DNAJC15: variants seen among roughly 807,000 people sequenced by gnomAD.
DNAJC15 encodes dnaJ homolog subfamily C member 15.
Under a neutral mutation model 22.4 loss-of-function variants are expected in DNAJC15, and 27 were observed. The ratio of observed to expected loss-of-function variants is 1.20; its 90% confidence interval spans 0.89 to 1.66. DNAJC15 has a LOEUF of 1.66. DNAJC15 is among the 40% of genes most tolerant of loss of function. The pLI is 0.00. For missense variants in DNAJC15, 208 were observed against 187.1 expected (o/e 1.11, Z -0.65); for synonymous variants, 79 against 63.2 (o/e 1.25, Z -1.19).
Position 43,047,903 on chromosome 13 carries a change from G to C in DNAJC15, c.109-17783G>C, listed in dbSNP as rs1228560326. Among the ~76,000 whole-genome samples, 3 of 152,164 alleles carry C rather than the reference G, an allele frequency of 2.0e-5. No individual in the cohort carries two copies. In the East Asian group the frequency reaches 5.8e-4, roughly 29 times the overall value. ...AGGCTTGAAGGGCCAGCGGGCATCAGAAACCATAACTGTGTAATGATGCTA... is the reference window on the plus strand; with the variant it reads ...AGGCTTGAAGGGCCAGCGGGCATCACAAACCATAACTGTGTAATGATGCTA... On this transcript the variant is annotated intron_variant, in intron 1 of 5. Transcript: ENST00000379221.
chr13:43,098,866 T>C (rs940652366), intron 5 of DNAJC15, among the ~76,000 whole-genome samples: 1 of 152,232 alleles, frequency 6.6e-6, no homozygotes, highest in African/African-American at 2.4e-5. Context: ...TTGTTTTGGC[T>C]ATTATGGTCC....
At chr13:43,034,472 C>T (rs554518591) in intron 1 of DNAJC15, among the ~76,000 whole-genome samples, 11 of 151,794 alleles carry the variant, frequency 7.2e-5, no homozygotes, top group East Asian at 5.8e-4. Flanking sequence ...CCCACCACCG[C>T]GCCCGGCTAA....
chr13:43,108,986 C>T lies in DNAJC15; in HGVS notation c.*1738C>T, dbSNP rs925582032. The T allele has an allele frequency of 1.3e-5, 2 of 152,068 alleles. No homozygotes were observed. Among genetic ancestry groups the T allele is most frequent in the African/African-American group, 2.4e-5 (1 of 41,390 alleles). 9.4% of individuals were successfully genotyped at this position (152,068 alleles called of 1,614,324 possible). The stretch of plus-strand genomic sequence containing the variant: ...TATCCTTGTACCTAAGAATGCCATC[C>T]CAATCCCCAGATGTCCACCTGCCCA... On this transcript the variant is annotated 3_prime_UTR_variant, in exon 6 of 6. Coordinates refer to ENST00000379221, the MANE Select transcript of DNAJC15 (RefSeq NM_013238.3).
At chr13:43,104,091 G>T (rs944278952) in intron 5 of DNAJC15, among the ~76,000 whole-genome samples, 1 of 151,748 alleles carries the variant, frequency 6.6e-6, no homozygotes, top group Non-Finnish European at 1.5e-5. Flanking sequence ...CCATTTAAAC[G>T]CACAATTTGA....
intron 3 of DNAJC15, among the ~76,000 whole-genome samples, chr13:43,077,287 G>GAA: frequency 6.6e-6 from 1 of 152,284 alleles, no homozygotes; most frequent in Non-Finnish European, 1.5e-5. Context: ...TGCACAGCTT[G>GAA]GGTTCTCTGG....
chr13:43,049,051 C>T (rs1221505240), intron 1 of DNAJC15, among the ~76,000 whole-genome samples: 1 of 152,040 alleles, frequency 6.6e-6, no homozygotes, highest in Non-Finnish European at 1.5e-5. Context: ...CAGTTTTAGC[C>T]TATACTAGGG....
intron 4 of DNAJC15, among the ~76,000 whole-genome samples, chr13:43,083,985 A>G (rs1229754664): frequency 6.6e-6 from 1 of 152,194 alleles, no homozygotes; most frequent in Non-Finnish European, 1.5e-5. Flanking sequence ...GTGCTTGGTG[A>G]TCTATCACTT....
intron 2 of DNAJC15, 109 bp downstream of exon 2, chr13:43,065,846 A>T (rs1259369065): frequency 1.1e-6 from 1 of 898,590 alleles, no homozygotes; most frequent in East Asian, 2.5e-5. Context: ...GTTTTCAGAC[A>T]TAATACATTC....
At chr13:43,068,830 A>C (rs1365072068) in intron 2 of DNAJC15, 100 bp from the exon 3 acceptor site, 1 of 951,820 alleles carries the variant, frequency 1.1e-6, no homozygotes. Flanking sequence ...TTGCAATAAC[A>C]TATATAAACT....
At position 43,113,673 on chromosome 13, in the gene DNAJC15, T is replaced by C. The variant is rs980058707; in HGVS notation, c.*6425T>C. On this transcript the variant is annotated 3_prime_UTR_variant, in exon 6 of 6. Transcript: ENST00000379221. ...ACTCAGTGATCTTTCCATTTATCTA[T>C]TCTTGGATTAGTGGTGCCTTTGCTC... 1.3e-5 allele frequency: 2 copies of C among 152,204 alleles called. No homozygotes were observed. Among genetic ancestry groups the C allele is most frequent in the African/African-American group, 4.8e-5 (2 of 41,456 alleles). The allele number at this position is 152,204 out of a possible 1,614,324, so 9.4% of individuals were successfully genotyped here.
At position 43,112,699 on chromosome 13, in the gene DNAJC15, A is replaced by G. The variant is rs1412698565; in HGVS notation, c.*5451A>G. 6.6e-6 allele frequency: 1 copy of G among 152,200 alleles called. No homozygotes were observed. Among genetic ancestry groups the G allele is most frequent in the Non-Finnish European group, 1.5e-5 (1 of 68,042 alleles). The allele number at this position is 152,200 out of a possible 1,614,324, so 9.4% of individuals were successfully genotyped here. On this transcript the variant is annotated 3_prime_UTR_variant, in exon 6 of 6. Coordinates refer to ENST00000379221, the MANE Select transcript of DNAJC15 (RefSeq NM_013238.3). ...TTATGTATCCCCATTTTACAGGTTA[A>G]GAAACAGGCTCAGAGGAGTTTAGGA...
At chr13:43,085,370 T>TGGGGGGGGGGG (rs141878965) in intron 4 of DNAJC15, among the ~76,000 whole-genome samples, 1 of 43,320 alleles carries the variant, frequency 2.3e-5, no homozygotes, top group Non-Finnish European at 5.7e-5. Flanking sequence ...TCTTGGGGGG[T>TGGGGGGGGGGG]GGGGGGGGAA....
intron 1 of DNAJC15, among the ~76,000 whole-genome samples, chr13:43,041,020 T>A (rs2153439818): frequency 6.6e-6 from 1 of 152,306 alleles, no homozygotes; most frequent in African/African-American, 2.4e-5. Context: ...ACAGATGCCT[T>A]CCTCATGTCT....
At chr13:43,026,883 TCAAAAA>T (rs1240323896) in intron 1 of DNAJC15, among the ~76,000 whole-genome samples, 14 of 152,032 alleles carry the variant, frequency 9.2e-5, no homozygotes, top group African/African-American at 3.4e-4. Flanking sequence ...AAAAGAAAAA[TCAAAAA>T]GAAATAAATA....
intron 5 of DNAJC15, among the ~76,000 whole-genome samples, chr13:43,096,529 T>G (rs1052457179): frequency 6.6e-6 from 1 of 152,220 alleles, no homozygotes; most frequent in African/African-American, 2.4e-5. Context: ...CAATGTCATA[T>G]GAGCAATTAT....
intron 5 of DNAJC15, among the ~76,000 whole-genome samples, chr13:43,093,911 C>T (rs894123276): frequency 4.6e-5 from 7 of 152,040 alleles, no homozygotes; most frequent in Non-Finnish European, 7.4e-5. Context: ...CAGAAAATAC[C>T]CTGATATAAA....
intron 3 of DNAJC15, among the ~76,000 whole-genome samples, chr13:43,070,041 A>T (rs1364569982): frequency 2.0e-5 from 3 of 152,212 alleles, no homozygotes; most frequent in Non-Finnish European, 2.9e-5. Flanking sequence ...GTTCTAGTTC[A>T]TGATCATAAA....
At position 43,065,682 on chromosome 13, in the gene DNAJC15, A is replaced by G. The variant is rs1355320480; in HGVS notation, c.109-4A>G. On this transcript the variant is annotated splice_polypyrimidine_tract_variant and splice_region_variant and intron_variant, in intron 1 of 5. Coordinates refer to ENST00000379221, the MANE Select transcript of DNAJC15 (RefSeq NM_013238.3). Reference sequence around the variant, plus strand: ...ATAAGTAATATTCATTTTTTCTTCCATAGGTAAGAAGTTTGATAGCTGTAG... The same window carrying G: ...ATAAGTAATATTCATTTTTTCTTCCGTAGGTAAGAAGTTTGATAGCTGTAG... 1 of 1,611,604 alleles carries G rather than the reference A, an allele frequency of 6.2e-7. No individual in the cohort carries two copies. The highest frequency in any genetic ancestry group is 1.1e-5 in the South Asian group (1 of 90,762).
intron 1 of DNAJC15, among the ~76,000 whole-genome samples, chr13:43,044,850 A>G (rs972627566): frequency 1.3e-5 from 2 of 151,996 alleles, no homozygotes; most frequent in Non-Finnish European, 2.9e-5. Context: ...CTGTAGCCCA[A>G]GTGACCATTA....
Sources: gnomAD v4.1 joint callset for allele counts (sites outside exome capture counted in the v4.1 genomes callset) on GRCh38, gnomAD v4.1.1 for gene constraint, MANE v1.5 for transcripts, NCBI Gene and HGNC (gene_info 2026-07-23, HGNC 2026-07-21) for gene names.